Variants in TDRD9 observed in about 807,000 individuals in gnomAD.
The protein encoded by TDRD9 is ATP-dependent RNA helicase TDRD9.
A neutral mutation model predicts 172.6 loss-of-function variants in TDRD9; 124 were observed. The observed-to-expected ratio is 0.72, with a 90% confidence interval of 0.62 to 0.83. TDRD9 has a LOEUF of 0.83. Among genes scored for constraint, TDRD9 ranks in the 40% least tolerant of loss-of-function variants. The pLI, the probability that TDRD9 is intolerant of heterozygous loss-of-function variation, is 0.00. For missense variants in TDRD9, 1,479 were observed against 1,714.1 expected (o/e 0.86, Z 2.42); for synonymous variants, 619 against 617.1 (o/e 1.00, Z -0.05).
At chr14:104,019,924 C>G (rs1223661191) in intron 23 of TDRD9, among the ~76,000 whole-genome samples, 1 of 152,134 alleles carries the variant, frequency 6.6e-6, no homozygotes, top group African/African-American at 2.4e-5. Flanking sequence ...GGGTAGACGT[C>G]GGAGGGTTGT....
At chr14:104,026,354 C>T (rs142073016) in intron 27 of TDRD9, among the ~76,000 whole-genome samples, 256 of 152,264 alleles carry the variant, frequency 1.7e-3, no homozygotes, top group Non-Finnish European at 3.1e-3. Context: ...TGTTTTAATC[C>T]AGTAGTATCT....
Position 104,024,638 on chromosome 14 carries a change from C to G in TDRD9, c.2676C>G (p.Ser892=). The G allele has an allele frequency of 6.2e-7, 1 of 1,612,616 alleles. No homozygotes were observed. The highest frequency in any genetic ancestry group is 8.5e-7 in the Non-Finnish European group (1 of 1,179,082). ...MQVSFNTSDR[S]QTVTDLLLTI... ...TCTCCTTTAACACATCAGACAGGTC[C>G]CAGACAGTTACAGATCTCCTTCTAA... Residue 892 remains serine, a synonymous_variant, in exon 25 of 36, where the codon TCC becomes TCG. Coordinates refer to ENST00000409874, the MANE Select transcript of TDRD9 (RefSeq NM_153046.3).
At chr14:104,023,016 C>A (rs189782905) in intron 24 of TDRD9, among the ~76,000 whole-genome samples, 5 of 151,218 alleles carry the variant, frequency 3.3e-5, no homozygotes, top group Admixed American at 2.6e-4. Context: ...CCCGTCTCTA[C>A]CAAAAATACA....
At chr14:103,959,455 C>CGTGTGTGT (rs151216232) in intron 2 of TDRD9, among the ~76,000 whole-genome samples, 36,673 of 143,728 alleles carry the variant, frequency 0.26, 4,804 homozygotes, top group Admixed American at 0.28. Flanking sequence ...GTCAGGTTAT[C>CGTGTGTGT]GTGTGTGTGT....
rs141466244 is a variant in TDRD9 at position 104,004,674 on chromosome 14, C to A, written c.1581+339C>A. Reference sequence around the variant, plus strand: ...GTTAATTTTTTGTAGATAGTTTTGCCAAATAGTCTAAGTGATATAATTTCT... The same window carrying A: ...GTTAATTTTTTGTAGATAGTTTTGCAAAATAGTCTAAGTGATATAATTTCT... On this transcript the variant is annotated intron_variant, in intron 14 of 35. Transcript: ENST00000409874. Among the ~76,000 whole-genome samples the A allele has an allele frequency of 8.5e-4, 130 of 152,194 alleles. 4 individuals carry two copies. The East Asian group carries it at 0.024, about 28-fold the overall frequency.
At chr14:104,030,759 A>G (rs967223562) in intron 28 of TDRD9, among the ~76,000 whole-genome samples, 6 of 152,166 alleles carry the variant, frequency 3.9e-5, no homozygotes, top group African/African-American at 1.4e-4. Context: ...GTTCTCACTC[A>G]TAGGTGGGAA....
intron 32 of TDRD9, among the ~76,000 whole-genome samples, chr14:104,037,352 C>T (rs2035482008): frequency 6.6e-6 from 1 of 152,164 alleles, no homozygotes; most frequent in Non-Finnish European, 1.5e-5. Flanking sequence ...GTCTCCTGTT[C>T]GGGTGGCGTC....
At chr14:103,951,976 G>A (rs1430512549) in intron 1 of TDRD9, among the ~76,000 whole-genome samples, 1 of 150,366 alleles carries the variant, frequency 6.7e-6, no homozygotes, top group Non-Finnish European at 1.5e-5. Flanking sequence ...CACCTTATTA[G>A]CCAGGGTGGT....
At chr14:103,996,283 A>G (rs1243315107) in intron 12 of TDRD9, among the ~76,000 whole-genome samples, 5 of 152,028 alleles carry the variant, frequency 3.3e-5, no homozygotes. Context: ...ATATTTGAAA[A>G]CCTAACACAT....
intron 30 of TDRD9, among the ~76,000 whole-genome samples, chr14:104,033,567 CAG>C (rs1388570239): frequency 6.6e-6 from 1 of 152,124 alleles, no homozygotes; most frequent in Admixed American, 6.5e-5. Context: ...TGAGGGGTGA[CAG>C]AGGAACTGTG....
rs747817441 is a variant in TDRD9, at chr14:104,005,384, C to T, written c.1692C>T (p.Arg564=). ...LSPPGLSDIE[R]TILLLKEVGA... ...CGCCTGGTCTGAGTGACATTGAGCG[C>T]ACCATCCTTCTACTAAAGGAGGTAG... is the stretch of plus-strand genomic sequence containing the variant. The change falls in exon 15 of 36, where the codon CGC becomes CGT. Residue 564 remains arginine (R), a synonymous_variant. Coordinates refer to ENST00000409874, the MANE Select transcript of TDRD9 (RefSeq NM_153046.3). 2 of 1,613,966 alleles carry T rather than the reference C, an allele frequency of 1.2e-6. No individual in the cohort carries two copies. Among genetic ancestry groups the T allele is most frequent in the African/African-American group, 1.3e-5 (1 of 75,032 alleles).
chr14:103,940,926 C>T (rs1378266127), intron 1 of TDRD9: 5 of 1,535,318 alleles, frequency 3.3e-6, no homozygotes, highest in African/African-American at 1.4e-5. Flanking sequence ...TGTCTGCCCT[C>T]TTGGAGCTGT....
chr14:103,941,729 T>A (rs1437748194), intron 1 of TDRD9: 20 of 1,414,964 alleles, frequency 1.4e-5, no homozygotes, highest in Non-Finnish European at 1.8e-5. Flanking sequence ...ACTTGTTTAT[T>A]TGCTCAAAAT....
At chr14:103,981,182 C>T (rs1273726613) in intron 7 of TDRD9, among the ~76,000 whole-genome samples, 1 of 152,184 alleles carries the variant, frequency 6.6e-6, no homozygotes, top group East Asian at 1.9e-4. Flanking sequence ...GCTGGGATTA[C>T]AGGCATGAGC....
chr14:104,032,139 A>G (rs1233227417), intron 30 of TDRD9, 52 bp downstream of exon 30: 27 of 1,063,496 alleles, frequency 2.5e-5, no homozygotes, highest in Non-Finnish European at 3.5e-5. Context: ...TTTTCTGTTT[A>G]TAGATCTCAT....
intron 32 of TDRD9, among the ~76,000 whole-genome samples, chr14:104,039,832 C>T (rs1029786821): frequency 1.3e-5 from 2 of 151,862 alleles, no homozygotes; most frequent in Admixed American, 6.6e-5. Flanking sequence ...TGTACATAGC[C>T]CTTTCTCCAG....
chr14:103,952,234 T>A (rs2031959949), intron 1 of TDRD9, among the ~76,000 whole-genome samples: 7 of 38,020 alleles, frequency 1.8e-4, no homozygotes, highest in South Asian at 2.1e-3. Flanking sequence ...TTTTTTTTTT[T>A]TTTTTTTTTT....
At chr14:103,994,652 T>C (rs1404492722) in intron 11 of TDRD9, 49 bp downstream of exon 11, 2 of 1,476,768 alleles carry the variant, frequency 1.4e-6, no homozygotes, top group Admixed American at 1.9e-5. Context: ...TAAATTTTCC[T>C]TAGAGACTCT....
At chr14:103,964,778 C>A (rs776370021) in intron 3 of TDRD9, among the ~76,000 whole-genome samples, 1 of 152,178 alleles carries the variant, frequency 6.6e-6, no homozygotes, top group East Asian at 1.9e-4. Context: ...CCGCCTTGGC[C>A]TCCCAGAGTG....
Sources: gnomAD v4.1 joint callset for allele counts (sites outside exome capture counted in the v4.1 genomes callset) on GRCh38, gnomAD v4.1.1 for gene constraint, MANE v1.5 for transcripts, NCBI Gene and HGNC (gene_info 2026-07-23, HGNC 2026-07-21) for gene names.